Variants in TULP1 observed in about 807,000 individuals in gnomAD.
TULP1 encodes the protein tubby-related protein 1.
TULP1 carries 50 observed loss-of-function variants against 67.1 expected under a neutral mutation model. The observed-to-expected ratio is 0.75, with a 90% CI of 0.59 to 0.94. The LOEUF (loss-of-function observed/expected upper bound fraction) is 0.94. Ranked by LOEUF, TULP1 falls within the 40% of genes least tolerant of loss-of-function variation. The pLI is 0.00. For synonymous variants in TULP1, 297 were observed against 294.0 expected (o/e 1.01, Z -0.11); for missense variants, 746 against 734.1 (o/e 1.02, Z -0.19).
intron 8 of TULP1, among the ~76,000 whole-genome samples, chr6:35,507,582 G>A (rs1761111069): frequency 6.6e-6 from 1 of 152,138 alleles, no homozygotes; most frequent in Non-Finnish European, 1.5e-5. Flanking sequence ...GTGACATAAA[G>A]CCCTAGGGTG....
At chr6:35,507,963 C>T (rs1761117918) in intron 8 of TULP1, among the ~76,000 whole-genome samples, 1 of 152,130 alleles carries the variant, frequency 6.6e-6, no homozygotes, top group East Asian at 1.9e-4. Flanking sequence ...TACAGGTGCG[C>T]ATCACCATGC....
intron 13 of TULP1, among the ~76,000 whole-genome samples, chr6:35,501,131 C>G (rs1760951231): frequency 6.6e-6 from 1 of 152,124 alleles, no homozygotes; most frequent in Non-Finnish European, 1.5e-5. Context: ...AAGAGCAGAG[C>G]ACGGGACTGA....
intron 13 of TULP1, among the ~76,000 whole-genome samples, chr6:35,502,735 G>C (rs1174250845): frequency 1.3e-5 from 2 of 151,862 alleles, no homozygotes; most frequent in African/African-American, 2.4e-5. Context: ...CTGACCTCAA[G>C]TGATCCGCCC....
In TULP1 at chr6:35,506,079, C is replaced by T. The variant is rs201303631; in HGVS notation, c.923G>A (p.Arg308Gln). 3.2e-5 allele frequency: 51 copies of T among 1,613,680 alleles called. No homozygotes were observed. Among genetic ancestry groups the T allele is most frequent in the South Asian group, 5.5e-5 (5 of 91,084 alleles). The change falls in exon 10 of 15, where the codon CGG becomes CAG. Residue 308 changes from arginine to glutamine, a missense_variant. By Grantham distance (43) the Arg-to-Gln change is conservative (BLOSUM62 1). Around this residue, in one of 3 missense-constraint regions of TULP1, gnomAD observed 383 missense variants for 374.1 expected, o/e 1.02. Coordinates refer to ENST00000229771, the MANE Select transcript of TULP1 (RefSeq NM_003322.6). ...PAPQGRTVRC[R>Q]LTRDKKGMDR... ...CATGCCCTTTTTGTCCCGGGTCAGC[C>T]GGCAGCGCACCGTGCGGCCCTGGGG...
At chr6:35,502,427 C>T (rs947841193) in intron 13 of TULP1, among the ~76,000 whole-genome samples, 8 of 151,518 alleles carry the variant, frequency 5.3e-5, no homozygotes, top group African/African-American at 1.7e-4. Flanking sequence ...CTCCTGACCT[C>T]GTGATCTGCC....
chr6:35,512,109 GC>G (rs1761220562), intron 3 of TULP1, 70 bp downstream of exon 3: 1 of 741,724 alleles, frequency 1.3e-6, no homozygotes, highest in African/African-American at 2.0e-5. Flanking sequence ...CGACACCCGC[GC>G]CGGCCCTCAA....
chr6:35,511,193 G>A (rs1377663182), intron 4 of TULP1, among the ~76,000 whole-genome samples, 183 bp from the exon 5 acceptor site: 1 of 152,120 alleles, frequency 6.6e-6, no homozygotes, highest in East Asian at 1.9e-4. Context: ...AGCCTTCAGG[G>A]TCTGCAAATC....
Position 35,510,865 on chromosome 6 carries a change from T to C in TULP1, c.495A>G (p.Pro165=). The C allele has an allele frequency of 1.9e-6, 3 of 1,613,908 alleles. No homozygotes were observed. The highest frequency in any genetic ancestry group is 2.2e-5 in the East Asian group (1 of 44,876). Residue 165 remains proline, a synonymous_variant, in exon 5 of 15, where the codon CCA becomes CCG. Transcript: ENST00000229771. ...LKERRAKAQG[P]RGDLGSPDPP... is the part of the protein sequence containing the mutation. ...CTCAGCACCCTCAGCACCCACCCCT[T>C]GGGCCCTGGGCCTTGGCCCTCCTCT...
Position 35,503,396 on chromosome 6 carries a change from G to T in TULP1, c.1323+163C>A. 1 of 705,402 alleles carries T rather than the reference G, an allele frequency of 1.4e-6. No homozygotes were observed. Among genetic ancestry groups the T allele is most frequent in the Non-Finnish European group, 2.4e-6 (1 of 423,452 alleles). The allele number at this position is 705,402 out of a possible 1,614,324, so 43.7% of individuals were successfully genotyped here. On this transcript the variant is annotated intron_variant, in intron 13 of 14. Transcript: ENST00000229771. The surrounding 1 kb of genome is among the most constrained non-coding windows in gnomAD (Gnocchi z 4.0). Reference sequence around the variant, plus strand: ...CCAAAAAGCCCATTGTGGTTTTTCAGTGAATTCAATTACAAAAAGCCCAAG... The same window carrying T: ...CCAAAAAGCCCATTGTGGTTTTTCATTGAATTCAATTACAAAAAGCCCAAG...
At chr6:35,510,780 T>G in intron 5 of TULP1, 81 bp downstream of exon 5, 2 of 1,606,544 alleles carry the variant, frequency 1.2e-6, no homozygotes, top group African/African-American at 2.7e-5. Context: ...TCAATCGCTG[T>G]GTCTCAGTGA....
intron 13 of TULP1, among the ~76,000 whole-genome samples, chr6:35,502,065 A>T (rs1760978114): frequency 6.6e-6 from 1 of 151,518 alleles, no homozygotes. Context: ...CTGTAGGCTC[A>T]CTCCCTCACC....
rs752893076 is a variant in TULP1 at position 35,503,586 on chromosome 6, G to T, written c.1296C>A (p.Asn432Lys). ...TVIIPGMSAE[N>K]ERVPIRPRNA... ...TTCGGGGCCGGATGGGGACCCTCTC[G>T]TTCTCCGCACTCATGCCAGGAATGA... Residue 432 changes from asparagine to lysine, a missense_variant, in exon 13 of 15, where the codon AAC (asparagine) becomes AAA (lysine). Physicochemically the swap from Asn to Lys is moderately conservative, Grantham distance 94. Transcript: ENST00000229771. This position sits in a 1 kb window ranked among gnomAD's most constrained non-coding sequence, Gnocchi z 4.0. 6.3e-7 allele frequency: 1 copy of T among 1,587,242 alleles called. No homozygotes were observed. Among genetic ancestry groups the T allele is most frequent in the South Asian group, 1.2e-5 (1 of 86,778 alleles).
chr6:35,509,836 T>A lies in TULP1; in HGVS notation c.592A>T (p.Lys198Ter). Residue 198 changes from lysine to a stop codon, truncating the protein, a stop_gained, in exon 6 of 15, where the codon AAG becomes TAG. Transcript: ENST00000229771. LOFTEE classifies it high-confidence loss of function. ...AGEGTKMRKT[K>*]KKGSGEADKD... ...CCTAGGCTGGGCTCACCTTTCTTCT[T>A]GGTCTTTCTCATCTTGGTCCCCTCC... 1 of 1,614,070 alleles carries A rather than the reference T, an allele frequency of 6.2e-7. No homozygotes were observed. Among genetic ancestry groups the A allele is most frequent in the Non-Finnish European group, 8.5e-7 (1 of 1,180,006 alleles).
Position 35,505,994 on chromosome 6 carries a change from C to T in TULP1, c.999+9G>A. ...CACACTCCCTCCTCTGCTGCCTCTCCCCACCCACCTTCTTCTCCGTGTCCA... is the reference window on the plus strand; with the variant it reads ...CACACTCCCTCCTCTGCTGCCTCTCTCCACCCACCTTCTTCTCCGTGTCCA... On this transcript the variant is annotated intron_variant, in intron 10 of 14. Transcript: ENST00000229771. 6.2e-7 allele frequency: 1 copy of T among 1,614,128 alleles called. No individual in the cohort carries two copies. The highest frequency in any genetic ancestry group is 8.5e-7 in the Non-Finnish European group (1 of 1,180,040).
chr6:35,512,121 G>T, intron 3 of TULP1, 59 bp downstream of exon 3: 2 of 969,530 alleles, frequency 2.1e-6, no homozygotes, highest in Non-Finnish European at 2.6e-6. Context: ...CGGCCCTCAA[G>T]CCCCTCCCTT....
At chr6:35,508,972 C>CA (rs1004865256) in intron 8 of TULP1, among the ~76,000 whole-genome samples, 10 of 152,166 alleles carry the variant, frequency 6.6e-5, no homozygotes, top group African/African-American at 2.4e-4. Flanking sequence ...GGGGAGGCCT[C>CA]AGAGAGCCCA....
At position 35,512,801 on chromosome 6, in the gene TULP1, G is replaced by A; in HGVS notation, c.47+11C>T. On this transcript the variant is annotated intron_variant, in intron 1 of 14. Transcript: ENST00000229771. Reference sequence around the variant, plus strand: ...AGGGTTCAGGTGCCACGAACTGGGGGCCTTCCAGACCTGTCAGAGGCCCAC... The same window carrying A: ...AGGGTTCAGGTGCCACGAACTGGGGACCTTCCAGACCTGTCAGAGGCCCAC... The A allele has an allele frequency of 1.2e-6, 2 of 1,606,728 alleles. No homozygotes were observed. Among genetic ancestry groups the A allele is most frequent in the East Asian group, 2.3e-5 (1 of 44,430 alleles).
rs752197784 is a variant in TULP1, at chr6:35,500,182, G to A, written c.1324-30C>T. On this transcript the variant is annotated intron_variant, in intron 13 of 14. Coordinates refer to ENST00000229771, the MANE Select transcript of TULP1 (RefSeq NM_003322.6). ...GGTGCCCCAGGGGAGTAGACAGGGA[G>A]AGGACAGTTAGAGATGGCTGAGATG... is the stretch of plus-strand genomic sequence containing the variant. 1.2e-5 allele frequency: 20 copies of A among 1,612,710 alleles called. No individual in the cohort carries two copies. In the Admixed American group the frequency reaches 3.3e-4, roughly 27 times the overall value.
rs1486462553 is a variant in TULP1 at position 35,505,780 on chromosome 6, T to C, written c.1073A>G (p.Asn358Ser). 16 of 1,613,796 alleles carry C rather than the reference T, an allele frequency of 9.9e-6. No homozygotes were observed. The highest frequency in any genetic ancestry group is 1.3e-5 in the African/African-American group (1 of 74,822). ...GAAATTCTCCCCTCCTCGGGACAGATTGGTAGGGTCGATGGAGATGAGGTA... is the reference window on the plus strand; with the variant it reads ...GAAATTCTCCCCTCCTCGGGACAGACTGGTAGGGTCGATGGAGATGAGGTA... ...ANYLISIDPT[N>S]LSRGGENFIG... The change falls in exon 11 of 15, where the codon AAT becomes AGT. Residue 358 changes from asparagine (N) to serine (S), a missense_variant. Coordinates refer to ENST00000229771, the MANE Select transcript of TULP1 (RefSeq NM_003322.6).
Sources: gnomAD v4.1 joint callset for allele counts (sites outside exome capture counted in the v4.1 genomes callset) on GRCh38, gnomAD v4.1.1 for gene constraint, gnomAD v4.1.1 regional missense constraint, Gnocchi (gnomAD v3.1) non-coding constraint, MANE v1.5 for transcripts, NCBI Gene and HGNC (gene_info 2026-07-23, HGNC 2026-07-21) for gene names.